C13orf42: variants seen among roughly 807,000 people sequenced by gnomAD.
The protein encoded by C13orf42 is chromosome 13 open reading frame 42.
At position 51,119,544 on chromosome 13, in the gene C13orf42, T is replaced by C. The variant is rs549331421; in HGVS notation, n.137-6322A>G. 2.0e-5 allele frequency among the ~76,000 whole-genome samples: 3 copies of C among 152,148 alleles called. No homozygotes were observed. In the South Asian group the frequency reaches 6.2e-4, roughly 32 times the overall value. ...GATGCATAGATAACCAAAGGTGGTC[T>C]ATACCTGCCATGAAATAGCACCCAG... On this transcript the variant is annotated intron_variant and non_coding_transcript_variant, in intron 1 of 4. Coordinates refer to the C13orf42 transcript ENST00000433280.
intron 1 of C13orf42, among the ~76,000 whole-genome samples, chr13:51,092,370 C>A (rs1226305067): frequency 2.0e-5 from 3 of 152,142 alleles, no homozygotes; most frequent in African/African-American, 7.2e-5. Context: ...AGGATTTATT[C>A]ATTTGAATTA....
chr13:51,087,892 C>T, intron 2 of C13orf42, 36 bp downstream of exon 2: 1 of 399,048 alleles, frequency 2.5e-6, no homozygotes, highest in East Asian at 3.6e-5. Context: ...CACCCGCCTT[C>T]AGCCACCATC....
intron 1 of C13orf42, among the ~76,000 whole-genome samples, chr13:51,146,443 A>G (rs1953736464): frequency 6.6e-6 from 1 of 152,224 alleles, no homozygotes; most frequent in African/African-American, 2.4e-5. Flanking sequence ...CAATCAGTTT[A>G]AGAAGTTTAT....
Position 51,084,311 on chromosome 13 carries a change from C to T in C13orf42, c.818G>A (p.Arg273Lys). 2.5e-6 allele frequency: 1 copy of T among 398,760 alleles called. No individual in the cohort carries two copies. The highest frequency in any genetic ancestry group is 4.4e-6 in the Non-Finnish European group (1 of 226,160). 24.7% of individuals were successfully genotyped at this position (398,760 alleles called of 1,614,324 possible). ...KACKKDLGSS[R>K]QILFNFSGED... ...TCCTGAGAAGTTGAAAAGGATCTGT[C>T]TGGAGCTCCCCAGGCTAGAAGGAAG... Residue 273 changes from arginine (R) to lysine (K), a missense_variant, in exon 4 of 4, where the codon AGA (arginine) becomes AAA (lysine). Physicochemically the swap from Arg to Lys is conservative, Grantham distance 26 (BLOSUM62 2). Coordinates refer to ENST00000563710, the MANE Select transcript of C13orf42 (RefSeq NM_001351589.3).
chr13:51,161,611 A>G (rs1953864933), intron 1 of C13orf42: 1 of 168,054 alleles, frequency 6.0e-6, no homozygotes, highest in African/African-American at 2.4e-5. Flanking sequence ...AAATTATTCT[A>G]ACTAGTCGAT....
In C13orf42 at chr13:51,110,838, T is replaced by C; in HGVS notation, c.372A>G (p.Gly124=). The stretch of plus-strand genomic sequence containing the variant: ...TAGACCGGACAGGAGTCTTTTTCCC[T>C]CCCTTGGAGGATTTGGAGGAGGTTG... ...ISSTSSKSSK[G]GKKTPVRSTP... Residue 124 remains glycine, a synonymous_variant, in exon 1 of 4, where the codon GGA becomes GGG. Transcript: ENST00000563710. 2.5e-6 allele frequency: 1 copy of C among 398,640 alleles called. No individual in the cohort carries two copies. Among genetic ancestry groups the C allele is most frequent in the Non-Finnish European group, 4.4e-6 (1 of 226,068 alleles). The allele number at this position is 398,640 out of a possible 1,614,324, so 24.7% of individuals were successfully genotyped here.
intron 1 of C13orf42, chr13:51,161,896 T>A (rs1953867486): frequency 1.2e-5 from 6 of 492,996 alleles, no homozygotes; most frequent in South Asian, 9.3e-5. Context: ...TGGCAAGGCC[T>A]GCATCCAAAC....
intron 1 of C13orf42, among the ~76,000 whole-genome samples, chr13:51,107,716 A>AT (rs1300402574): frequency 6.6e-6 from 1 of 152,234 alleles, no homozygotes; most frequent in East Asian, 1.9e-4. Context: ...CAAATGATTG[A>AT]TAGTATTCAC....
intron 2 of C13orf42, 103 bp from the exon 3 acceptor site, chr13:51,085,662 G>A (rs1953114955): frequency 2.5e-6 from 1 of 397,244 alleles, no homozygotes; most frequent in African/African-American, 2.1e-5. Flanking sequence ...CAGGAAATGG[G>A]TGTAGGCAAC....
chr13:51,149,885 T>C (rs990891034), intron 1 of C13orf42, among the ~76,000 whole-genome samples: 4 of 152,156 alleles, frequency 2.6e-5, no homozygotes, highest in African/African-American at 9.7e-5. Context: ...AAAAAGATAC[T>C]AACACTAACC....
At chr13:51,167,613 G>T (rs1593560640) in intron 1 of C13orf42, among the ~76,000 whole-genome samples, 1 of 152,332 alleles carries the variant, frequency 6.6e-6, no homozygotes, top group South Asian at 2.1e-4. Context: ...CTTGCTCACA[G>T]AGACTGCAAG....
chr13:51,122,466 G>A (rs1011229176), intron 1 of C13orf42, among the ~76,000 whole-genome samples: 20 of 151,492 alleles, frequency 1.3e-4, no homozygotes, highest in Non-Finnish European at 2.8e-4. Flanking sequence ...CTCAGGAGGC[G>A]GAGGTTGCAG....
At chr13:51,092,745 C>T (rs1259616194) in intron 1 of C13orf42, among the ~76,000 whole-genome samples, 1 of 151,942 alleles carries the variant, frequency 6.6e-6, no homozygotes, top group Non-Finnish European at 1.5e-5. Flanking sequence ...TTTTAATAAG[C>T]AAGTCATTCA....
intron 1 of C13orf42, among the ~76,000 whole-genome samples, chr13:51,130,570 T>C (rs1042157821): frequency 1.3e-5 from 2 of 152,106 alleles, no homozygotes; most frequent in African/African-American, 4.8e-5. Flanking sequence ...TAAAGGTGAT[T>C]AGGCCTCCTA....
At chr13:51,125,209 C>T (rs918293958) in intron 1 of C13orf42, among the ~76,000 whole-genome samples, 1 of 152,188 alleles carries the variant, frequency 6.6e-6, no homozygotes, top group Non-Finnish European at 1.5e-5. Flanking sequence ...AGCTATAGGT[C>T]ATAAATCTTT....
chr13:51,158,692 C>T (rs539257949), intron 1 of C13orf42, among the ~76,000 whole-genome samples: 2 of 152,318 alleles, frequency 1.3e-5, no homozygotes, highest in South Asian at 2.1e-4. Context: ...ACAAGTCAAC[C>T]GATGGATCTG....
At chr13:51,165,106 T>G (rs1044052795) in intron 1 of C13orf42, among the ~76,000 whole-genome samples, 12 of 152,308 alleles carry the variant, frequency 7.9e-5, no homozygotes, top group African/African-American at 2.6e-4. Flanking sequence ...TCCTGGCTTA[T>G]TTGGACTCTG....
intron 1 of C13orf42, among the ~76,000 whole-genome samples, chr13:51,129,511 C>G (rs1188513885): frequency 6.6e-6 from 1 of 152,170 alleles, no homozygotes; most frequent in African/African-American, 2.4e-5. Flanking sequence ...AAGGGATCAC[C>G]TGAAATTTTG....
At chr13:51,152,105 C>T (rs2138039253) in intron 1 of C13orf42, among the ~76,000 whole-genome samples, 1 of 152,292 alleles carries the variant, frequency 6.6e-6, no homozygotes, top group East Asian at 1.9e-4. Flanking sequence ...ATACTCACCA[C>T]AGTGTGGAAA....
Sources: gnomAD v4.1 joint callset for allele counts (sites outside exome capture counted in the v4.1 genomes callset) on GRCh38, gnomAD v4.1.1 for gene constraint, MANE v1.5 for transcripts, NCBI Gene and HGNC (gene_info 2026-07-23, HGNC 2026-07-21) for gene names.